SNTG1: variants seen among roughly 807,000 people sequenced by gnomAD.
The protein encoded by SNTG1 is gamma-1-syntrophin.
A neutral mutation model predicts 74.7 loss-of-function variants in SNTG1; 39 were observed. That is an observed-to-expected ratio of 0.52 (90% CI 0.40 to 0.68). SNTG1 has a LOEUF of 0.68. Among genes scored for constraint, SNTG1 ranks in the 30% least tolerant of loss-of-function variants. SNTG1 has a pLI of 0.00. For missense variants in SNTG1, 685 were observed against 609.5 expected (o/e 1.12, Z -1.30); for synonymous variants, 254 against 217.1 (o/e 1.17, Z -1.49).
chr8:50,136,036 G>A (rs2081464357), intron 1 of SNTG1, among the ~76,000 whole-genome samples: 1 of 152,084 alleles, frequency 6.6e-6, no homozygotes, highest in South Asian at 2.1e-4. Context: ...AGTTTGATTA[G>A]GATAATGGCC....
At chr8:50,654,444 A>T (rs2095168102) in intron 13 of SNTG1, among the ~76,000 whole-genome samples, 1 of 152,114 alleles carries the variant, frequency 6.6e-6, no homozygotes, top group Non-Finnish European at 1.5e-5. Flanking sequence ...ATTATCTCAG[A>T]TATACCCTGA....
At chr8:50,515,779 C>G (rs990739976) in intron 9 of SNTG1, among the ~76,000 whole-genome samples, 1 of 151,676 alleles carries the variant, frequency 6.6e-6, no homozygotes, top group African/African-American at 2.4e-5. Context: ...CAGGGCATCT[C>G]TGAAAGAAAG....
chr8:49,968,330 T>A lies in SNTG1; in HGVS notation c.-103+56099T>A, dbSNP rs185091128. 3.6e-3 allele frequency among the ~76,000 whole-genome samples: 542 copies of A among 152,296 alleles called. 3 individuals are homozygous for A. Among genetic ancestry groups the A allele is most frequent in the African/African-American group, 0.012 (517 of 41,566 alleles). ...ACCTTCTCTTCCCCCCCAATTATGG[T>A]GTATTTTGTCTCATGTAAAGATCAT... is the stretch of plus-strand genomic sequence containing the variant. On this transcript the variant is annotated intron_variant, in intron 1 of 18. Coordinates refer to ENST00000642720, the MANE Select transcript of SNTG1 (RefSeq NM_018967.5).
intron 18 of SNTG1, among the ~76,000 whole-genome samples, chr8:50,770,116 T>A (rs772778344): frequency 3.3e-5 from 5 of 152,120 alleles, no homozygotes; most frequent in Non-Finnish European, 5.9e-5. Flanking sequence ...AACGCTGGAA[T>A]GCAAATTAAT....
At position 50,673,755 on chromosome 8, in the gene SNTG1, G is replaced by A. The variant is rs192764996; in HGVS notation, c.1038+15092G>A. Among the ~76,000 whole-genome samples the A allele has an allele frequency of 2.7e-4, 41 of 151,828 alleles. No homozygotes were observed. The Middle Eastern group carries it at 0.014, about 50-fold the overall frequency. Reference sequence around the variant, plus strand: ...AGAGAGGGCATCCTTGTCTCATACCGGTATTCAAAGGGAATGCTTCCAGCT... The same window carrying A: ...AGAGAGGGCATCCTTGTCTCATACCAGTATTCAAAGGGAATGCTTCCAGCT... On this transcript the variant is annotated intron_variant, in intron 15 of 18. Transcript: ENST00000642720.
intron 17 of SNTG1, among the ~76,000 whole-genome samples, chr8:50,750,607 G>A (rs1421184259): frequency 6.6e-6 from 1 of 151,918 alleles, no homozygotes; most frequent in Non-Finnish European, 1.5e-5. Flanking sequence ...TCACCATCCT[G>A]ATGAGCCAGC....
At chr8:49,913,249 T>C (rs966069256) in intron 1 of SNTG1, among the ~76,000 whole-genome samples, 2 of 152,232 alleles carry the variant, frequency 1.3e-5, no homozygotes, top group African/African-American at 2.4e-5. Context: ...TAAATACATG[T>C]GATGAGATAT....
intron 2 of SNTG1, among the ~76,000 whole-genome samples, chr8:50,340,113 G>A (rs1247723028): frequency 6.6e-6 from 1 of 150,844 alleles, no homozygotes; most frequent in African/African-American, 2.4e-5. Flanking sequence ...ATTTATGGGT[G>A]GGAAGAAATA....
In SNTG1 at chr8:50,549,180, A is replaced by G. The variant is rs1288118721; in HGVS notation, c.681-3870A>G. On this transcript the variant is annotated intron_variant, in intron 11 of 18. Coordinates refer to ENST00000642720, the MANE Select transcript of SNTG1 (RefSeq NM_018967.5). Reference sequence around the variant, plus strand: ...AAAAAATAACTTGAAAAAGCTCCTGATGTATCTAAACAGCTTAGGTTTTGT... The same window carrying G: ...AAAAAATAACTTGAAAAAGCTCCTGGTGTATCTAAACAGCTTAGGTTTTGT... 2.6e-5 allele frequency among the ~76,000 whole-genome samples: 4 copies of G among 152,288 alleles called. No homozygotes were observed. The East Asian group carries it at 7.7e-4, about 29-fold the overall frequency.
intron 2 of SNTG1, among the ~76,000 whole-genome samples, chr8:50,334,502 T>C (rs1183092461): frequency 7.2e-6 from 1 of 139,740 alleles, no homozygotes; most frequent in Non-Finnish European, 1.5e-5. Context: ...TTTATATCTC[T>C]GCTAAAAAAA....
At chr8:50,630,277 G>A in intron 13 of SNTG1, among the ~76,000 whole-genome samples, 1 of 152,108 alleles carries the variant, frequency 6.6e-6, no homozygotes, top group East Asian at 1.9e-4. Flanking sequence ...GAAAGAGAAA[G>A]AAAGAGAGAA....
At position 50,653,434 on chromosome 8, in the gene SNTG1, A is replaced by T. The variant is rs534338164; in HGVS notation, c.850-3475A>T. On this transcript the variant is annotated intron_variant, in intron 13 of 18. Coordinates refer to ENST00000642720, the MANE Select transcript of SNTG1 (RefSeq NM_018967.5). ...TTGATAGTGAGATACTGTCTAAAAA[A>T]ATATATTAGTAAAAACTTTATAAGG... 3.6e-3 allele frequency among the ~76,000 whole-genome samples: 548 copies of T among 152,266 alleles called. 3 individuals are homozygous for T. The highest frequency in any genetic ancestry group is 0.013 in the African/African-American group (527 of 41,562).
intron 2 of SNTG1, among the ~76,000 whole-genome samples, chr8:50,244,960 A>G (rs184127949): frequency 1.3e-5 from 2 of 152,336 alleles, no homozygotes; most frequent in Non-Finnish European, 2.9e-5. Context: ...AGTTTAAAGT[A>G]TGATTCATGT....
At chr8:50,169,163 A>G (rs1312116072) in intron 1 of SNTG1, among the ~76,000 whole-genome samples, 5 of 152,168 alleles carry the variant, frequency 3.3e-5, no homozygotes, top group African/African-American at 9.7e-5. Context: ...TTTGTGTTTC[A>G]GGGTTTTCAA....
At chr8:50,302,365 C>T (rs1159954820) in intron 2 of SNTG1, among the ~76,000 whole-genome samples, 2 of 152,058 alleles carry the variant, frequency 1.3e-5, no homozygotes, top group Non-Finnish European at 1.5e-5. Context: ...GATGTGTTTC[C>T]CCGATTATTT....
chr8:50,303,540 A>G (rs574566896), intron 2 of SNTG1, among the ~76,000 whole-genome samples: 22 of 152,184 alleles, frequency 1.4e-4, no homozygotes, highest in African/African-American at 5.1e-4. Flanking sequence ...TACCTAACCT[A>G]TATAATATGT....
intron 1 of SNTG1, among the ~76,000 whole-genome samples, chr8:49,952,746 G>A (rs1809833970): frequency 6.6e-6 from 1 of 152,160 alleles, no homozygotes. Context: ...GATAGATGCT[G>A]GCAGATTTGG....
At chr8:49,979,752 T>C (rs1812511397) in intron 1 of SNTG1, among the ~76,000 whole-genome samples, 1 of 152,206 alleles carries the variant, frequency 6.6e-6, no homozygotes, top group Non-Finnish European at 1.5e-5. Context: ...GCTCCAGGTA[T>C]ACTGGCTGAA....
At chr8:50,642,483 C>T (rs140067259) in intron 13 of SNTG1, among the ~76,000 whole-genome samples, 1 of 152,284 alleles carries the variant, frequency 6.6e-6, no homozygotes, top group Non-Finnish European at 1.5e-5. Context: ...AAGGCACATT[C>T]CATTTTATCT....
Sources: gnomAD v4.1 joint callset for allele counts (sites outside exome capture counted in the v4.1 genomes callset) on GRCh38, gnomAD v4.1.1 for gene constraint, MANE v1.5 for transcripts, NCBI Gene and HGNC (gene_info 2026-07-23, HGNC 2026-07-21) for gene names.